Variants in RPRD2 observed in about 807,000 individuals in gnomAD.
RPRD2 encodes the protein regulation of nuclear pre-mRNA domain-containing protein 2.
Under a neutral mutation model 104.4 loss-of-function variants are expected in RPRD2, and 12 were observed. That is an observed-to-expected ratio of 0.11 (90% CI 0.07 to 0.19). RPRD2 has a LOEUF of 0.19. Ranked by LOEUF, RPRD2 falls within the 10% of genes least tolerant of loss-of-function variation. The pLI is 1.00. For synonymous variants in RPRD2, 714 were observed against 684.9 expected, an observed-to-expected ratio of 1.04 and a Z score of -0.66; for missense variants, 1,543 against 1,790.1, an observed-to-expected ratio of 0.86 and a Z score of 2.49.
chr1:150,433,439 A>ATTT (rs58544799), intron 2 of RPRD2, among the ~76,000 whole-genome samples: 2,047 of 90,344 alleles, frequency 0.023, 157 homozygotes, highest in African/African-American at 0.055. Flanking sequence ...CACAGACATA[A>ATTT]TTTTTTTTTT....
At chr1:150,416,732 C>A (rs112127505) in intron 1 of RPRD2, among the ~76,000 whole-genome samples, 1 of 151,716 alleles carries the variant, frequency 6.6e-6, no homozygotes, top group Admixed American at 6.6e-5. Flanking sequence ...ATTAGCTGGG[C>A]GTGGTAGTGC....
chr1:150,431,506 G>GTTTTT (rs1665587778), intron 2 of RPRD2, among the ~76,000 whole-genome samples: 3 of 57,130 alleles, frequency 5.3e-5, no homozygotes, highest in Non-Finnish European at 9.6e-5. Context: ...TTGAGACGGG[G>GTTTTT]TTTTGTCCTT....
intron 2 of RPRD2, among the ~76,000 whole-genome samples, chr1:150,425,224 A>G (rs958663255): frequency 1.2e-4 from 18 of 152,370 alleles, no homozygotes; most frequent in African/African-American, 4.1e-4. Flanking sequence ...AACAATAAAT[A>G]TTAGCTGCTG....
intron 1 of RPRD2, among the ~76,000 whole-genome samples, chr1:150,378,433 T>C (rs1441967539): frequency 6.6e-6 from 1 of 152,228 alleles, no homozygotes; most frequent in Non-Finnish European, 1.5e-5. Flanking sequence ...GCCTACACTT[T>C]ACCATTATGG....
chr1:150,456,243 T>A lies in RPRD2; in HGVS notation c.871-1045T>A, dbSNP rs889929015. Among the ~76,000 whole-genome samples, 6 of 152,114 alleles carry A rather than the reference T, an allele frequency of 3.9e-5. No individual in the cohort carries two copies. In the South Asian group the frequency reaches 1.0e-3, roughly 26 times the overall value. ...TGCTGTATCTCCAGTACCTAGAAGA[T>A]ACATTTAGGCTCTCAATAAATATTG... On this transcript the variant is annotated intron_variant, in intron 7 of 10. Coordinates refer to ENST00000369068, the MANE Select transcript of RPRD2 (RefSeq NM_015203.5).
Position 150,447,374 on chromosome 1 carries a change from G to A in RPRD2, c.870+973G>A, listed in dbSNP as rs372717755. Among the ~76,000 whole-genome samples, 8 of 131,048 alleles carry A rather than the reference G, an allele frequency of 6.1e-5. No homozygotes were observed. The East Asian group carries it at 1.5e-3, about 25-fold the overall frequency. The allele number at this position is 131,048 out of a possible 152,430, so 86.0% of individuals were successfully genotyped here. A position where few individuals can be genotyped will look rare whatever the true frequency, so the allele number is the denominator to read the frequency against. ...TTTGAGACGGAGTTTCCCTCTTATT[G>A]CCTAGGCTGGAGTGTAATGGCGTGA... is the stretch of plus-strand genomic sequence containing the variant. On this transcript the variant is annotated intron_variant, in intron 7 of 10. Coordinates refer to ENST00000369068, the MANE Select transcript of RPRD2 (RefSeq NM_015203.5).
At position 150,444,328 on chromosome 1, in the gene RPRD2, A is replaced by G; in HGVS notation, c.645A>G (p.Ser215=). The change falls in exon 6 of 11, where the codon TCA becomes TCG. Residue 215 remains serine, a synonymous_variant. Transcript: ENST00000369068. Reference sequence around the variant, plus strand: ...TAGAACTGAAGGAAAAGCAGTTGTCAACTATGAGGGTGGATGTGTGCAGCA... The same window carrying G: ...TAGAACTGAAGGAAAAGCAGTTGTCGACTATGAGGGTGGATGTGTGCAGCA... ...DQIELKEKQL[S]TMRVDVCSTE... is the part of the protein sequence containing the mutation. The G allele has an allele frequency of 1.2e-6, 2 of 1,613,936 alleles. No homozygotes were observed. Among genetic ancestry groups the G allele is most frequent in the Non-Finnish European group, 1.7e-6 (2 of 1,179,818 alleles).
At chr1:150,429,817 A>G (rs886308844) in intron 2 of RPRD2, among the ~76,000 whole-genome samples, 6 of 152,244 alleles carry the variant, frequency 3.9e-5, no homozygotes, top group Non-Finnish European at 8.8e-5. Flanking sequence ...ATCTATTCCA[A>G]GGAGTCATTT....
chr1:150,370,356 A>G (rs1660209535), intron 1 of RPRD2, among the ~76,000 whole-genome samples: 1 of 152,130 alleles, frequency 6.6e-6, no homozygotes, highest in Non-Finnish European at 1.5e-5. Context: ...TTTCATCTAT[A>G]AGTAGTTCTG....
At chr1:150,399,072 G>T (rs1390856450) in intron 1 of RPRD2, among the ~76,000 whole-genome samples, 2 of 152,078 alleles carry the variant, frequency 1.3e-5, no homozygotes, top group African/African-American at 4.8e-5. Flanking sequence ...GTGCCATATA[G>T]CTCACTGCAG....
At chr1:150,397,147 T>A (rs1553884368) in intron 1 of RPRD2, among the ~76,000 whole-genome samples, 1 of 151,982 alleles carries the variant, frequency 6.6e-6, no homozygotes, top group African/African-American at 2.4e-5. Context: ...TTAATTTTTG[T>A]ATTTATAGTA....
At chr1:150,405,309 T>A (rs1453061115) in intron 1 of RPRD2, among the ~76,000 whole-genome samples, 1 of 152,216 alleles carries the variant, frequency 6.6e-6, no homozygotes, top group Non-Finnish European at 1.5e-5. Flanking sequence ...CAGTGTATAT[T>A]GAAGTTATTT....
intron 7 of RPRD2, among the ~76,000 whole-genome samples, chr1:150,452,456 G>T (rs1667250047): frequency 6.6e-6 from 1 of 152,082 alleles, no homozygotes; most frequent in Admixed American, 6.6e-5. Context: ...ACCAATTAAT[G>T]AATGTTTTGT....
At position 150,416,543 on chromosome 1, in the gene RPRD2, G is replaced by C. The variant is rs147251505; in HGVS notation, c.206-1053G>C. Among the ~76,000 whole-genome samples, 47 of 152,150 alleles carry C rather than the reference G, an allele frequency of 3.1e-4. No homozygotes were observed. The East Asian group carries it at 6.2e-3, about 20-fold the overall frequency. ...GTGACTTTGCTCAGGGTTCCAGATA[G>C]TACATTGATGGGGCTTTGTCATGAA... On this transcript the variant is annotated intron_variant, in intron 1 of 10. Coordinates refer to ENST00000369068, the MANE Select transcript of RPRD2 (RefSeq NM_015203.5).
intron 1 of RPRD2, among the ~76,000 whole-genome samples, chr1:150,377,100 A>G (rs1488174852): frequency 6.6e-6 from 1 of 151,564 alleles, no homozygotes; most frequent in Non-Finnish European, 1.5e-5. Flanking sequence ...AGTCTCAGCT[A>G]CTCGGGAGGC....
intron 5 of RPRD2, 30 bp downstream of exon 5, chr1:150,443,313 A>G: frequency 6.9e-7 from 1 of 1,458,522 alleles, no homozygotes; most frequent in Non-Finnish European, 9.4e-7. Context: ...TAATATAGCA[A>G]AGTATTATTC....
Position 150,470,892 on chromosome 1 carries a change from C to G in RPRD2, c.1944C>G (p.Ile648Met). The G allele has an allele frequency of 6.2e-7, 1 of 1,614,040 alleles. No individual in the cohort carries two copies. Among genetic ancestry groups the G allele is most frequent in the Non-Finnish European group, 8.5e-7 (1 of 1,179,910 alleles). Residue 648 changes from isoleucine (I) to methionine (M), a missense_variant, in exon 11 of 11, where the codon ATC becomes ATG. By Grantham distance (10) the Ile-to-Met change is conservative. Coordinates refer to ENST00000369068, the MANE Select transcript of RPRD2 (RefSeq NM_015203.5). ...SPAAPPTEVT[I>M]CQSSEVSKPK... ...CTGCCCCACCTACTGAAGTTACCAT[C>G]TGCCAATCTTCAGAGGTCTCCAAGC...
Position 150,472,005 on chromosome 1 carries a change from G to A in RPRD2, c.3057G>A (p.Lys1019=). ...ATATGCTTAAAAACGCCTCACGTAA[G>A]CCCTCAGATGATAAGCATTTTGGCC... The part of the protein sequence containing the change: ...FKNMLKNASR[K]PSDDKHFGQA... Residue 1019 remains lysine, a synonymous_variant, in exon 11 of 11, where the codon AAG becomes AAA. Coordinates refer to ENST00000369068, the MANE Select transcript of RPRD2 (RefSeq NM_015203.5). 6.2e-7 allele frequency: 1 copy of A among 1,613,944 alleles called. No homozygotes were observed. Among genetic ancestry groups the A allele is most frequent in the Non-Finnish European group, 8.5e-7 (1 of 1,179,886 alleles).
chr1:150,394,252 G>A (rs941480691), intron 1 of RPRD2, among the ~76,000 whole-genome samples: 3 of 152,044 alleles, frequency 2.0e-5, no homozygotes, highest in Admixed American at 2.0e-4. Context: ...GTTTCTTCAT[G>A]TTAGTCAGGC....
Sources: allele counts gnomAD v4.1 joint callset (sites outside exome capture counted in the v4.1 genomes callset), GRCh38; gene constraint gnomAD v4.1.1; transcripts MANE v1.5; gene names NCBI Gene and HGNC (gene_info 2026-07-23, HGNC 2026-07-21).